GNAQ: variants seen among roughly 807,000 people sequenced by gnomAD.
GNAQ encodes the protein guanine nucleotide-binding protein G(q) subunit alpha.
In GNAQ, 8 loss-of-function variants were observed where a neutral mutation model predicts 43.9. The ratio of observed to expected loss-of-function variants is 0.18; its 90% CI spans 0.11 to 0.33. The LOEUF (loss-of-function observed/expected upper bound fraction) is 0.33, where lower values mean the gene tolerates loss of function less well. GNAQ is among the 10% of genes least tolerant of loss of function. The pLI is 1.00. For synonymous variants in GNAQ, 155 were observed against 170.7 expected (o/e 0.91, Z 0.71); for missense variants, 158 against 450.8 (o/e 0.35, Z 5.88).
rs532705180 is a variant in GNAQ, at chr9:77,719,383, C to T, written c.*1940G>A. ...AATGATTAGAGCATTTGTAATTGCA[C>T]TATACCTACAGGCAGTCTGTTTGTT... is the stretch of plus-strand genomic sequence containing the variant. On this transcript the variant is annotated 3_prime_UTR_variant, in exon 7 of 7. Coordinates refer to ENST00000286548, the MANE Select transcript of GNAQ (RefSeq NM_002072.5). The T allele has an allele frequency of 2.5e-3, 592 of 232,616 alleles. 3 individuals are homozygous for T. The highest frequency in any genetic ancestry group is 4.6e-3 in the Admixed American group (81 of 17,784). 14.4% of individuals were successfully genotyped at this position (232,616 alleles called of 1,614,324 possible).
At chr9:77,895,639 C>T (rs111574367) in intron 2 of GNAQ, among the ~76,000 whole-genome samples, 10 of 152,210 alleles carry the variant, frequency 6.6e-5, no homozygotes, top group African/African-American at 1.9e-4. Flanking sequence ...TGACAAGAAA[C>T]GGACTGGAAA....
chr9:77,942,932 A>T (rs1816335648), intron 1 of GNAQ, among the ~76,000 whole-genome samples: 1 of 152,224 alleles, frequency 6.6e-6, no homozygotes, highest in Admixed American at 6.5e-5. Flanking sequence ...CTGCACTTGG[A>T]TCCAATAATT....
At chr9:77,742,988 C>T (rs1395044077) in intron 5 of GNAQ, among the ~76,000 whole-genome samples, 2 of 152,088 alleles carry the variant, frequency 1.3e-5, no homozygotes. Context: ...GGCTGGGCGC[C>T]GTGGCTCACG....
chr9:77,935,778 T>G (rs549994415), intron 1 of GNAQ, among the ~76,000 whole-genome samples: 2 of 152,310 alleles, frequency 1.3e-5, no homozygotes, highest in South Asian at 2.1e-4. Flanking sequence ...GTTCCTCCAG[T>G]ATTCAATCCA....
intron 2 of GNAQ, among the ~76,000 whole-genome samples, chr9:77,840,936 A>G (rs1827480676): frequency 6.6e-6 from 1 of 152,054 alleles, no homozygotes; most frequent in Non-Finnish European, 1.5e-5. Context: ...AAGCAGACCG[A>G]TAGGCCACTC....
rs563591440 is a variant in GNAQ, at chr9:77,822,246, A to G, written c.322-6476T>C. ...TGTTGGTGAATTAAATCATGTTTTGAAAACACTGACTAGAGACTGAGACCC... is the reference window on the plus strand; with the variant it reads ...TGTTGGTGAATTAAATCATGTTTTGGAAACACTGACTAGAGACTGAGACCC... On this transcript the variant is annotated intron_variant, in intron 2 of 6. Transcript: ENST00000286548. Among the ~76,000 whole-genome samples, 15 of 152,276 alleles carry G rather than the reference A, an allele frequency of 9.9e-5. No individual in the cohort carries two copies. The South Asian group carries it at 3.1e-3, about 32-fold the overall frequency.
intron 1 of GNAQ, among the ~76,000 whole-genome samples, chr9:77,947,793 G>C (rs1010193425): frequency 6.6e-6 from 1 of 152,152 alleles, no homozygotes; most frequent in African/African-American, 2.4e-5. Flanking sequence ...GTCTAACCAG[G>C]GGCCAGATGA....
intron 3 of GNAQ, among the ~76,000 whole-genome samples, chr9:77,800,247 C>G (rs1826720801): frequency 6.6e-6 from 1 of 151,752 alleles, no homozygotes; most frequent in Non-Finnish European, 1.5e-5. Context: ...GACTATAAAT[C>G]ATGCTGCTAT....
intron 2 of GNAQ, among the ~76,000 whole-genome samples, chr9:77,821,354 C>T (rs751073770): frequency 2.0e-5 from 3 of 151,978 alleles, no homozygotes; most frequent in Non-Finnish European, 4.4e-5. Context: ...AGGAAATACC[C>T]CTCCTTTATT....
In GNAQ at chr9:77,726,899, C is replaced by T. The variant is rs972656502; in HGVS notation, c.889+1615G>A. ...GGCAAACTTTCTCTGTAAAGGGCCA[C>T]AGAGTAATTGAGGCTTTGCAAACAA... is the stretch of plus-strand genomic sequence containing the variant. On this transcript the variant is annotated intron_variant, in intron 6 of 6. Coordinates refer to ENST00000286548, the MANE Select transcript of GNAQ (RefSeq NM_002072.5). 1.6e-4 allele frequency among the ~76,000 whole-genome samples: 25 copies of T among 152,248 alleles called. 2 individuals are homozygous for T. Among genetic ancestry groups the T allele is most frequent in the Admixed American group, 1.6e-3 (24 of 15,302 alleles).
rs1825435143 is a variant in GNAQ at position 77,728,501 on chromosome 9, A to G, written c.889+13T>C. 1.3e-6 allele frequency: 2 copies of G among 1,584,628 alleles called. No individual in the cohort carries two copies. Among genetic ancestry groups the G allele is most frequent in the Non-Finnish European group, 8.7e-7 (1 of 1,154,838 alleles). The stretch of plus-strand genomic sequence containing the variant: ...TTCACAGCTACTGAGCTGTGGTATG[A>G]GTGCTGACTTACCATCATATTCTGG... On this transcript the variant is annotated intron_variant, in intron 6 of 6. Transcript: ENST00000286548.
chr9:77,919,166 C>T (rs891500044), intron 2 of GNAQ, among the ~76,000 whole-genome samples: 2 of 152,138 alleles, frequency 1.3e-5, no homozygotes, highest in Non-Finnish European at 2.9e-5. Context: ...GCTACCAGCC[C>T]GCCTTAGCCT....
intron 2 of GNAQ, among the ~76,000 whole-genome samples, chr9:77,852,666 G>A (rs908693896): frequency 1.3e-5 from 2 of 152,308 alleles, no homozygotes; most frequent in South Asian, 2.1e-4. Context: ...CTACGTGATC[G>A]CTCAGTGCTC....
chr9:77,973,118 G>T (rs985567964), intron 1 of GNAQ, among the ~76,000 whole-genome samples: 6 of 151,928 alleles, frequency 3.9e-5, no homozygotes, highest in Admixed American at 1.3e-4. Flanking sequence ...AACCAATGGG[G>T]TTTTTTTAGA....
rs530604387 is a variant in GNAQ at position 77,937,914 on chromosome 9, T to A, written c.137-15569A>T. 1.8e-4 allele frequency among the ~76,000 whole-genome samples: 28 copies of A among 152,140 alleles called. 1 individual carries two copies. The East Asian group carries it at 5.0e-3, about 27-fold the overall frequency. On this transcript the variant is annotated intron_variant, in intron 1 of 6. Coordinates refer to ENST00000286548, the MANE Select transcript of GNAQ (RefSeq NM_002072.5). Reference sequence around the variant, plus strand: ...TCTCAAAATAAATAAATAAATAAAATTTAAAAAAAGATAGAAGAGCTTGCT... The same window carrying A: ...TCTCAAAATAAATAAATAAATAAAAATTAAAAAAAGATAGAAGAGCTTGCT...
intron 2 of GNAQ, among the ~76,000 whole-genome samples, chr9:77,819,503 T>A (rs1321620483): frequency 6.6e-6 from 1 of 152,142 alleles, no homozygotes. Context: ...GGCTTTAGAC[T>A]GGAATGTCAC....
chr9:77,839,865 G>T (rs896869948), intron 2 of GNAQ, among the ~76,000 whole-genome samples: 2 of 152,190 alleles, frequency 1.3e-5, no homozygotes, highest in Non-Finnish European at 2.9e-5. Flanking sequence ...ACCCAAAAAT[G>T]CCTTCCCTAA....
At chr9:77,975,919 T>G (rs184268538) in intron 1 of GNAQ, among the ~76,000 whole-genome samples, 1 of 152,330 alleles carries the variant, frequency 6.6e-6, no homozygotes, top group East Asian at 1.9e-4. Context: ...GGATTCAGTG[T>G]GTTCTTTTGA....
intron 2 of GNAQ, among the ~76,000 whole-genome samples, chr9:77,835,297 T>C (rs1330240484): frequency 1.3e-5 from 2 of 151,320 alleles, no homozygotes; most frequent in African/African-American, 4.9e-5. Context: ...GGATCTACTG[T>C]TCGGGGTGAT....
Sources: gnomAD v4.1 joint callset for allele counts (sites outside exome capture counted in the v4.1 genomes callset) on GRCh38, gnomAD v4.1.1 for gene constraint, MANE v1.5 for transcripts, NCBI Gene and HGNC (gene_info 2026-07-23, HGNC 2026-07-21) for gene names.